ADGRD1: variants seen among roughly 807,000 people sequenced by gnomAD.
ADGRD1 encodes the protein adhesion G protein-coupled receptor D1, also known as G-protein coupled receptor 133.
ADGRD1 carries 77 observed loss-of-function variants against 113.4 expected under a neutral mutation model. The ratio of observed to expected loss-of-function variants is 0.68; its 90% CI spans 0.57 to 0.82. The LOEUF (loss-of-function observed/expected upper bound fraction) is 0.82, where lower values mean the gene tolerates loss of function less well. Among genes scored for constraint, ADGRD1 ranks in the 40% least tolerant of loss-of-function variants. The pLI, the probability that ADGRD1 is intolerant of heterozygous loss-of-function variation, is 0.00. For missense variants in ADGRD1, 1,036 were observed against 1,139.1 expected (o/e 0.91, Z 1.30); for synonymous variants, 474 against 475.0 (o/e 1.00, Z 0.03).
chr12:131,046,349 TCAGTGTCCTCCCTGG>T (rs1566061887), intron 13 of ADGRD1, among the ~76,000 whole-genome samples: 1 of 130,460 alleles, frequency 7.7e-6, no homozygotes, highest in African/African-American at 3.2e-5. Context: ...CCCTCCCTGG[TCAGTGTCCTCCCTGG>T]TCAGTGCTCC....
Position 131,022,089 on chromosome 12 carries a change from AC to A in ADGRD1, c.1473+7752del, listed in dbSNP as rs1299987474. Among the ~76,000 whole-genome samples, 11 of 151,774 alleles carry A rather than the reference AC, an allele frequency of 7.2e-5. No homozygotes were observed. Among genetic ancestry groups the A allele is most frequent in the South Asian group, 2.1e-4 (1 of 4,774 alleles). ...TTTTATCTTAATCACCCCTTCAAAG[AC>A]CCTGACTCCAAACACTGTCACATTC... is the stretch of plus-strand genomic sequence containing the variant. On this transcript the variant is annotated intron_variant, in intron 13 of 24. Transcript: ENST00000261654. This position sits in a 1 kb window ranked among gnomAD's most constrained non-coding sequence, Gnocchi z 4.6.
chr12:131,130,116 G>T (rs761148338), intron 20 of ADGRD1, among the ~76,000 whole-genome samples: 11 of 152,228 alleles, frequency 7.2e-5, no homozygotes, highest in Admixed American at 2.0e-4. Flanking sequence ...CTTTCTTCTC[G>T]TCGTTACACA....
chr12:131,016,424 T>C (rs1878579938), intron 13 of ADGRD1, among the ~76,000 whole-genome samples: 1 of 152,232 alleles, frequency 6.6e-6, no homozygotes, highest in South Asian at 2.1e-4. Context: ...TCTCTTTGTG[T>C]GGAGAGAATC....
chr12:131,042,708 G>C (rs1287958795), intron 13 of ADGRD1, among the ~76,000 whole-genome samples: 1 of 152,258 alleles, frequency 6.6e-6, no homozygotes, highest in Non-Finnish European at 1.5e-5. Flanking sequence ...GGTGAGCCAG[G>C]AGGGGGACGC....
chr12:131,099,421 C>A (rs1950018049), intron 15 of ADGRD1, among the ~76,000 whole-genome samples: 1 of 152,222 alleles, frequency 6.6e-6, no homozygotes, highest in Non-Finnish European at 1.5e-5. Flanking sequence ...TGTGTTACAA[C>A]TAGAAAGTCC....
chr12:130,957,418 G>A (rs12231688), intron 2 of ADGRD1: 80,715 of 142,606 alleles, frequency 0.57, 22,327 homozygotes, highest in African/African-American at 0.7. Flanking sequence ...CCCCACACAC[G>A]TCCACACACA....
intron 15 of ADGRD1, among the ~76,000 whole-genome samples, chr12:131,101,383 T>C (rs57270715): frequency 0.15 from 16,653 of 109,532 alleles, 2,435 homozygotes; most frequent in East Asian, 0.62. Flanking sequence ...CTTTCTTTTT[T>C]TTTTTTTTTT....
chr12:131,046,760 T>G (rs569316816), intron 13 of ADGRD1, among the ~76,000 whole-genome samples: 8 of 135,844 alleles, frequency 5.9e-5, no homozygotes, highest in Non-Finnish European at 1.1e-4. Context: ...TCCTCCCTGG[T>G]CAGTGCTCCC....
chr12:131,034,241 A>G (rs1429206411), intron 13 of ADGRD1, among the ~76,000 whole-genome samples: 3 of 152,066 alleles, frequency 2.0e-5, no homozygotes, highest in Admixed American at 1.3e-4. Flanking sequence ...CGCTCCCGCC[A>G]TGCGTCTGCC....
chr12:131,133,290 C>T (rs1354346998), intron 21 of ADGRD1, among the ~76,000 whole-genome samples: 1 of 152,172 alleles, frequency 6.6e-6, no homozygotes, highest in Admixed American at 6.5e-5. Flanking sequence ...CCACTACTTC[C>T]ACTGTCACCA....
chr12:131,124,009 G>A (rs531302296), intron 20 of ADGRD1, among the ~76,000 whole-genome samples: 3 of 152,332 alleles, frequency 2.0e-5, no homozygotes, highest in South Asian at 2.1e-4. Flanking sequence ...CAAAGACTGC[G>A]TGGCCCGCAA....
At chr12:130,974,086 C>T (rs1233844577) in intron 4 of ADGRD1, among the ~76,000 whole-genome samples, 2 of 152,170 alleles carry the variant, frequency 1.3e-5, no homozygotes, top group East Asian at 1.9e-4. Flanking sequence ...ACAAGGTGAC[C>T]GGGCCATGAG....
intron 18 of ADGRD1, among the ~76,000 whole-genome samples, chr12:131,115,359 GC>G (rs1950439362): frequency 6.6e-6 from 1 of 152,130 alleles, no homozygotes; most frequent in South Asian, 2.1e-4. Context: ...CCCAGAACCA[GC>G]CCCGTGGCCT....
chr12:130,954,521 ACAACTTT>A lies in ADGRD1; in HGVS notation c.59_65del (p.Asn20ArgfsTer54), dbSNP rs1869276585. ...TACTCCTGGCTGCTGCTATTTTATT[ACAACTTT>A]CAGGTAATGTCCCCAAGTGGCCAGG... On this transcript the variant is annotated frameshift_variant, in exon 1 of 25. Transcript: ENST00000261654. LOFTEE classifies it high-confidence loss of function. This position sits in a 1 kb window ranked among gnomAD's most constrained non-coding sequence, Gnocchi z 4.7. 6.2e-7 allele frequency: 1 copy of A among 1,605,658 alleles called. No individual in the cohort carries two copies. The highest frequency in any genetic ancestry group is 8.5e-7 in the Non-Finnish European group (1 of 1,175,158).
chr12:131,099,107 C>T (rs139547523), intron 15 of ADGRD1, among the ~76,000 whole-genome samples: 136 of 152,302 alleles, frequency 8.9e-4, no homozygotes, highest in African/African-American at 3.1e-3. Flanking sequence ...GATCCTCTGT[C>T]GGGCCCCGGG....
intron 8 of ADGRD1, 36 bp downstream of exon 8, chr12:130,992,428 G>A (rs756986702): frequency 5.7e-6 from 9 of 1,578,048 alleles, no homozygotes; most frequent in Non-Finnish European, 7.8e-6. Context: ...GGTGGACCGG[G>A]CGTGGCACCC....
intron 8 of ADGRD1, chr12:130,994,190 G>GT: frequency 2.4e-6 from 1 of 421,150 alleles, no homozygotes; most frequent in Non-Finnish European, 4.9e-6. Flanking sequence ...GAAAGAGCGG[G>GT]TATAGACAAG....
At position 131,139,967 on chromosome 12, in the gene ADGRD1, C is replaced by CACGTG. The variant is rs1341470245; in HGVS notation, c.*706_*710dup. The CACGTG allele has an allele frequency of 6.6e-6, 1 of 152,410 alleles. No individual in the cohort carries two copies. The highest frequency in any genetic ancestry group is 1.5e-5 in the Non-Finnish European group (1 of 68,202). 9.4% of individuals were successfully genotyped at this position (152,410 alleles called of 1,614,324 possible). A position where few individuals can be genotyped will look rare whatever the true frequency, so the allele number is the denominator to read the frequency against. On this transcript the variant is annotated 3_prime_UTR_variant, in exon 25 of 25. Transcript: ENST00000261654. ...TGTCCTTGGGGGGGTCCCCTCTGCT[C>CACGTG]ACGTGAAGAGCCGCTCTGGGCCTTG...
chr12:131,083,897 G>A (rs1382680159), intron 14 of ADGRD1, among the ~76,000 whole-genome samples: 2 of 152,188 alleles, frequency 1.3e-5, no homozygotes, highest in Admixed American at 6.5e-5. Context: ...CTGTGTGAGC[G>A]TTTTCTCTGT....
Sources: gnomAD v4.1 joint callset for allele counts (sites outside exome capture counted in the v4.1 genomes callset) on GRCh38, gnomAD v4.1.1 for gene constraint, Gnocchi (gnomAD v3.1) non-coding constraint, MANE v1.5 for transcripts, NCBI Gene and HGNC (gene_info 2026-07-23, HGNC 2026-07-21) for gene names.